Variants in SUCLG2 observed in about 807,000 individuals in gnomAD.
The protein encoded by SUCLG2 is succinate--CoA ligase [GDP-forming] subunit beta, mitochondrial.
Under a neutral mutation model 47.9 loss-of-function variants are expected in SUCLG2, and 42 were observed. The observed-to-expected ratio is 0.88, with a 90% CI of 0.69 to 1.14. The LOEUF (loss-of-function observed/expected upper bound fraction) is 1.14, where lower values mean the gene tolerates loss of function less well. Among genes scored for constraint, SUCLG2 ranks in the 50% most tolerant of loss-of-function variants. The pLI, the probability that SUCLG2 is intolerant of heterozygous loss-of-function variation, is 0.00. For synonymous variants in SUCLG2, 195 were observed against 197.3 expected (o/e 0.99, Z 0.10); for missense variants, 571 against 525.9 (o/e 1.09, Z -0.84).
At chr3:67,592,415 CT>C (rs920833075) in intron 2 of SUCLG2, among the ~76,000 whole-genome samples, 3 of 152,118 alleles carry the variant, frequency 2.0e-5, no homozygotes, top group Admixed American at 2.0e-4. Flanking sequence ...TTGATAAGAC[CT>C]TATGGAGCAA....
intron 2 of SUCLG2, among the ~76,000 whole-genome samples, chr3:67,564,975 C>T (rs1707411891): frequency 6.6e-6 from 1 of 151,628 alleles, no homozygotes; most frequent in Non-Finnish European, 1.5e-5. Flanking sequence ...ATTCTTCCCA[C>T]TGCTTTTTTT....
At chr3:67,531,256 T>G (rs1240660502) in intron 2 of SUCLG2, among the ~76,000 whole-genome samples, 1 of 152,220 alleles carries the variant, frequency 6.6e-6, no homozygotes, top group Non-Finnish European at 1.5e-5. Flanking sequence ...AAATACTTTT[T>G]GCTGTCTACT....
downstream of SUCLG2, among the ~76,000 whole-genome samples, chr3:67,370,103 C>A (rs924929944): frequency 1.3e-5 from 2 of 151,984 alleles, no homozygotes; most frequent in Non-Finnish European, 2.9e-5. Flanking sequence ...GAAATTCACA[C>A]GCAATATTCT....
At chr3:67,584,399 A>C (rs913445285) in intron 2 of SUCLG2, among the ~76,000 whole-genome samples, 1 of 152,204 alleles carries the variant, frequency 6.6e-6, no homozygotes, top group African/African-American at 2.4e-5. Context: ...TGGGATTAAC[A>C]GTAAAGGGCA....
chr3:67,592,314 G>A (rs1708182939), intron 2 of SUCLG2, among the ~76,000 whole-genome samples: 1 of 152,166 alleles, frequency 6.6e-6, no homozygotes, highest in African/African-American at 2.4e-5. Context: ...TCACATTCAA[G>A]GGTGCAAGGA....
At chr3:67,631,661 G>T (rs991745001) in intron 1 of SUCLG2, among the ~76,000 whole-genome samples, 1 of 152,080 alleles carries the variant, frequency 6.6e-6, no homozygotes, top group South Asian at 2.1e-4. Context: ...TTACTACGTG[G>T]TCATCTACAG....
chr3:67,495,041 A>T (rs1705294485), intron 9 of SUCLG2, among the ~76,000 whole-genome samples: 1 of 152,218 alleles, frequency 6.6e-6, no homozygotes. Context: ...ATTAGAAAGC[A>T]TACAAAAGAA....
intron 9 of SUCLG2, among the ~76,000 whole-genome samples, chr3:67,472,724 T>G (rs115734913): frequency 0.015 from 2,213 of 152,242 alleles, 50 homozygotes; most frequent in African/African-American, 0.051. Context: ...TAGGGAAGGA[T>G]AGCAAAAAAT....
intron 1 of SUCLG2, among the ~76,000 whole-genome samples, chr3:67,631,013 G>C (rs944059500): frequency 1.5e-4 from 23 of 152,280 alleles, no homozygotes; most frequent in Admixed American, 4.6e-4. Flanking sequence ...CTATGAAGAA[G>C]ACCAATGTCC....
At chr3:67,620,342 T>G (rs7640362) in intron 1 of SUCLG2, among the ~76,000 whole-genome samples, 67,262 of 151,424 alleles carry the variant, frequency 0.44, 15,144 homozygotes, top group African/African-American at 0.5. Context: ...CCCAGCACTT[T>G]CGGAAGCCAA....
rs1051868827 is a variant in SUCLG2, at chr3:67,564,185, C to T, written c.227-34999G>A. 2.8e-4 allele frequency among the ~76,000 whole-genome samples: 42 copies of T among 152,126 alleles called. 1 individual carries two copies. The highest frequency in any genetic ancestry group is 1.9e-4 in the East Asian group (1 of 5,184). ...ATACTCTTTCCTTCTGTAAACAGAG[C>T]GGCTGCCAGCACAGGAAGTAATAGT... On this transcript the variant is annotated intron_variant, in intron 2 of 10. Transcript: ENST00000307227.
intron 7 of SUCLG2, among the ~76,000 whole-genome samples, chr3:67,498,771 G>C (rs962127210): frequency 6.6e-6 from 1 of 152,044 alleles, no homozygotes; most frequent in South Asian, 2.1e-4. Context: ...ATCCTGTCTA[G>C]TATTTCCAAA....
At chr3:67,553,313 G>A (rs1478622350) in intron 2 of SUCLG2, among the ~76,000 whole-genome samples, 1 of 152,186 alleles carries the variant, frequency 6.6e-6, no homozygotes, top group Non-Finnish European at 1.5e-5. Flanking sequence ...GTCCATGGTG[G>A]CTTTGCCACA....
At position 67,410,865 on chromosome 3, in the gene SUCLG2, A is replaced by G. The variant is rs1702918761; in HGVS notation, c.1063-10014T>C. On this transcript the variant is annotated intron_variant, in intron 9 of 10. Coordinates refer to ENST00000307227, the MANE Select transcript of SUCLG2 (RefSeq NM_003848.4). ...CAGATAATTGCTTTCAAAGCAGGATACTCATTGCTTATAATGCAGTATCTA... is the reference window on the plus strand; with the variant it reads ...CAGATAATTGCTTTCAAAGCAGGATGCTCATTGCTTATAATGCAGTATCTA... Among the ~76,000 whole-genome samples the G allele has an allele frequency of 2.0e-5, 3 of 152,204 alleles. 1 individual carries two copies. The South Asian group carries it at 6.2e-4, about 31-fold the overall frequency.
At chr3:67,407,720 G>A (rs1702847011) in intron 9 of SUCLG2, among the ~76,000 whole-genome samples, 1 of 152,124 alleles carries the variant, frequency 6.6e-6, no homozygotes, top group Non-Finnish European at 1.5e-5. Context: ...CAGGCATGAG[G>A]TTGATAAAAA....
intron 4 of SUCLG2, among the ~76,000 whole-genome samples, chr3:67,521,348 G>T (rs1706096344): frequency 6.6e-6 from 1 of 152,136 alleles, no homozygotes; most frequent in Admixed American, 6.5e-5. Flanking sequence ...GTGGTCATTT[G>T]CCAGGGCCAT....
At chr3:67,371,011 A>T (rs1156852652), downstream of SUCLG2, among the ~76,000 whole-genome samples, 1 of 152,196 alleles carries the variant, frequency 6.6e-6, no homozygotes, top group Non-Finnish European at 1.5e-5. Flanking sequence ...CAATATTAAA[A>T]GGTAATTGAA....
chr3:67,433,648 A>G (rs1294139096), intron 9 of SUCLG2, among the ~76,000 whole-genome samples: 1 of 152,194 alleles, frequency 6.6e-6, no homozygotes, highest in Non-Finnish European at 1.5e-5. Flanking sequence ...CTACCACATT[A>G]GCTGATTAAT....
chr3:67,552,172 C>CAAAAAAAAAAAAA (rs55687048), intron 2 of SUCLG2, among the ~76,000 whole-genome samples: 3 of 75,492 alleles, frequency 4.0e-5, no homozygotes, highest in African/African-American at 7.6e-5. Flanking sequence ...AACTCCATCT[C>CAAAAAAAAAAAAA]AAAAAAAAAA....
Sources: gnomAD v4.1 joint callset for allele counts (sites outside exome capture counted in the v4.1 genomes callset) on GRCh38, gnomAD v4.1.1 for gene constraint, MANE v1.5 for transcripts, NCBI Gene and HGNC (gene_info 2026-07-23, HGNC 2026-07-21) for gene names.